TNKS: variants seen among roughly 807,000 people sequenced by gnomAD.
The protein encoded by TNKS is poly [ADP-ribose] polymerase tankyrase-1.
In TNKS, 72 loss-of-function variants were observed where a neutral mutation model predicts 135.8. The ratio of observed to expected loss-of-function variants is 0.53; its 90% CI spans 0.44 to 0.64. The LOEUF (loss-of-function observed/expected upper bound fraction) is 0.64, where lower values mean the gene tolerates loss of function less well. TNKS is among the 30% of genes least tolerant of loss of function. The pLI, the probability that TNKS is intolerant of heterozygous loss-of-function variation, is 0.00. For synonymous variants in TNKS, 849 were observed against 649.3 expected (o/e 1.31, Z -4.68); for missense variants, 1,769 against 1,674.0 (o/e 1.06, Z -0.99).
chr8:9,778,534 C>T lies in TNKS; in HGVS notation c.*1798C>T, dbSNP rs540271176. The T allele has an allele frequency of 6.5e-6, 1 of 152,720 alleles. No homozygotes were observed. The highest frequency in any genetic ancestry group is 6.5e-5 in the Admixed American group (1 of 15,294). The allele number at this position is 152,720 out of a possible 1,614,324, so 9.5% of individuals were successfully genotyped here. Reference sequence around the variant, plus strand: ...TTGTAGCTGAATTTTTATGGGTCCTCAAAATTAAATCGAGAATTAGCCTCA... The same window carrying T: ...TTGTAGCTGAATTTTTATGGGTCCTTAAAATTAAATCGAGAATTAGCCTCA... On this transcript the variant is annotated 3_prime_UTR_variant, in exon 27 of 27. Coordinates refer to ENST00000310430, the MANE Select transcript of TNKS (RefSeq NM_003747.3).
At chr8:9,689,603 G>C (rs1803167300) in intron 5 of TNKS, among the ~76,000 whole-genome samples, 1 of 152,176 alleles carries the variant, frequency 6.6e-6, no homozygotes, top group Admixed American at 6.5e-5. Context: ...ATACCCATTA[G>C]AATTGGGAGA....
chr8:9,667,314 C>T (rs2128790968), intron 3 of TNKS, among the ~76,000 whole-genome samples: 1 of 152,236 alleles, frequency 6.6e-6, no homozygotes, highest in East Asian at 1.9e-4. Flanking sequence ...AATCTCAGAA[C>T]TCTCAGGATA....
intron 3 of TNKS, among the ~76,000 whole-genome samples, chr8:9,645,359 C>T (rs966144731): frequency 6.6e-6 from 1 of 152,104 alleles, no homozygotes; most frequent in Non-Finnish European, 1.5e-5. Flanking sequence ...TTTCAAAGAC[C>T]ATGCTGCACA....
At chr8:9,605,190 C>T (rs969333398) in intron 2 of TNKS, among the ~76,000 whole-genome samples, 1 of 152,040 alleles carries the variant, frequency 6.6e-6, no homozygotes, top group Non-Finnish European at 1.5e-5. Context: ...TTCTTCTTGT[C>T]AGCCATCCCC....
At chr8:9,604,674 C>T (rs1026667454) in intron 2 of TNKS, among the ~76,000 whole-genome samples, 1 of 151,864 alleles carries the variant, frequency 6.6e-6, no homozygotes, top group African/African-American at 2.4e-5. Context: ...CCTGTTGGTG[C>T]TTCTTGAACC....
chr8:9,694,056 GT>G (rs1803400312), intron 5 of TNKS, among the ~76,000 whole-genome samples: 1 of 152,180 alleles, frequency 6.6e-6, no homozygotes, highest in Non-Finnish European at 1.5e-5. Context: ...TACACTGTAT[GT>G]CACAGTTTAG....
In TNKS at chr8:9,778,873, T is replaced by A. The variant is rs1808350168; in HGVS notation, c.*2137T>A. The A allele has an allele frequency of 6.6e-6, 1 of 152,224 alleles. No homozygotes were observed. The allele number at this position is 152,224 out of a possible 1,614,324, so 9.4% of individuals were successfully genotyped here. ...AGATATGGAAAGCTTTATGGCTTCA[T>A]TAAAAAGATAAACCACTACCTAACT... On this transcript the variant is annotated 3_prime_UTR_variant, in exon 27 of 27. Transcript: ENST00000310430.
At chr8:9,721,980 G>C (rs1342473881) in intron 12 of TNKS, among the ~76,000 whole-genome samples, 1 of 151,424 alleles carries the variant, frequency 6.6e-6, no homozygotes, top group Non-Finnish European at 1.5e-5. Context: ...TGGAACCTAG[G>C]AGACGGAGGT....
chr8:9,713,847 T>C lies in TNKS; in HGVS notation c.1749+3627T>C, dbSNP rs1201512064. Among the ~76,000 whole-genome samples the C allele has an allele frequency of 5.9e-5, 9 of 152,186 alleles. No individual in the cohort carries two copies. The South Asian group carries it at 1.9e-3, about 31-fold the overall frequency. On this transcript the variant is annotated intron_variant, in intron 11 of 26. Transcript: ENST00000310430. ...CTTAGCTATTGTTGGGCTCCCATTT[T>C]TTCTTGCGTAGTATTTCTTTCTGAG... is the stretch of plus-strand genomic sequence containing the variant.
intron 17 of TNKS, among the ~76,000 whole-genome samples, chr8:9,736,451 G>C (rs188683379): frequency 2.6e-5 from 4 of 152,126 alleles, no homozygotes; most frequent in East Asian, 1.9e-4. Context: ...TGAAAGTCCA[G>C]AGTTTTGGAC....
At chr8:9,764,684 G>A (rs779081884) in intron 22 of TNKS, 32 bp from the exon 23 acceptor site, 4 of 1,548,760 alleles carry the variant, frequency 2.6e-6, no homozygotes, top group East Asian at 2.3e-5. Context: ...ACACTGGGAT[G>A]TTTTTATAAA....
At chr8:9,669,660 G>C (rs555659257) in intron 3 of TNKS, among the ~76,000 whole-genome samples, 2 of 152,214 alleles carry the variant, frequency 1.3e-5, no homozygotes, top group African/African-American at 4.8e-5. Context: ...AATTGATTCA[G>C]CTTGGACTTA....
intron 3 of TNKS, among the ~76,000 whole-genome samples, chr8:9,660,089 T>C (rs912685423): frequency 2.7e-4 from 41 of 152,318 alleles, no homozygotes; most frequent in African/African-American, 9.9e-4. Context: ...ATTGAGGCAA[T>C]AATTAATAGC....
intron 18 of TNKS, among the ~76,000 whole-genome samples, chr8:9,751,028 G>A (rs1409846122): frequency 2.0e-4 from 31 of 151,950 alleles, no homozygotes; most frequent in Admixed American, 2.0e-3. Context: ...CCATTCTATT[G>A]GTCAAGACAA....
At chr8:9,735,662 T>C (rs1030952077) in intron 17 of TNKS, among the ~76,000 whole-genome samples, 176 bp downstream of exon 17, 2 of 151,974 alleles carry the variant, frequency 1.3e-5, no homozygotes, top group Non-Finnish European at 2.9e-5. Context: ...TAGACGGGCA[T>C]AGTGGCGGGC....
At chr8:9,715,564 C>G (rs539404498) in intron 11 of TNKS, among the ~76,000 whole-genome samples, 1 of 152,178 alleles carries the variant, frequency 6.6e-6, no homozygotes, top group East Asian at 1.9e-4. Flanking sequence ...GTGCCCGTGA[C>G]CAAATTCAAC....
At chr8:9,608,582 G>T (rs1282490759) in intron 2 of TNKS, among the ~76,000 whole-genome samples, 1 of 152,052 alleles carries the variant, frequency 6.6e-6, no homozygotes, top group Non-Finnish European at 1.5e-5. Flanking sequence ...CAGGGGTTTT[G>T]TCCTGCACAG....
chr8:9,730,236 A>G (rs1805367499), intron 13 of TNKS, among the ~76,000 whole-genome samples: 1 of 152,172 alleles, frequency 6.6e-6, no homozygotes, highest in Non-Finnish European at 1.5e-5. Context: ...TCAGGGAGAG[A>G]TAAGGAGACA....
chr8:9,689,152 TCC>T, intron 5 of TNKS, among the ~76,000 whole-genome samples: 1 of 152,202 alleles, frequency 6.6e-6, no homozygotes, highest in East Asian at 1.9e-4. Context: ...TGCCTTTTTT[TCC>T]TTTTATTAAA....
Sources: allele counts gnomAD v4.1 joint callset (sites outside exome capture counted in the v4.1 genomes callset), GRCh38; gene constraint gnomAD v4.1.1; transcripts MANE v1.5; gene names NCBI Gene and HGNC (gene_info 2026-07-23, HGNC 2026-07-21).